Variants in PGM1 observed in about 807,000 individuals in gnomAD.
The protein encoded by PGM1 is phosphoglucomutase 1, also known as phosphoglucomutase-1.
In PGM1, 52 loss-of-function variants were observed where a neutral mutation model predicts 55.6. The ratio of observed to expected loss-of-function variants is 0.94; its 90% confidence interval spans 0.75 to 1.18. The LOEUF (loss-of-function observed/expected upper bound fraction) is 1.18. Among genes scored for constraint, PGM1 ranks in the 50% most tolerant of loss-of-function variants. The pLI, the probability that PGM1 is intolerant of heterozygous loss-of-function variation, is 0.00. For missense variants in PGM1, 724 were observed against 729.3 expected, an observed-to-expected ratio of 0.99 and a Z score of 0.08; for synonymous variants, 287 against 271.7, an observed-to-expected ratio of 1.06 and a Z score of -0.55.
intron 1 of PGM1, chr1:63,623,346 C>T: frequency 6.6e-7 from 1 of 1,513,286 alleles, no homozygotes; most frequent in Non-Finnish European, 8.8e-7. Flanking sequence ...CATGCAAACC[C>T]TCTATTTTAG....
intron 1 of PGM1, among the ~76,000 whole-genome samples, chr1:63,626,702 T>G (rs529455221): frequency 1.3e-4 from 20 of 152,282 alleles, no homozygotes; most frequent in African/African-American, 4.3e-4. Flanking sequence ...CAGTGACAAA[T>G]TCTTTAAAAA....
rs1402426213 is a variant in PGM1 at position 63,634,870 on chromosome 1, G to A, written c.724G>A (p.Gly242Ser). ...YVKKILCEEL[G>S]APANSAVNCV... ...AAAGAAGATCCTCTGTGAAGAACTC[G>A]GTGCCCCTGCGAACTCGGCAGTTAA... is the stretch of plus-strand genomic sequence containing the variant. The change falls in exon 5 of 11, where the codon GGT becomes AGT. Residue 242 changes from glycine to serine, a missense_variant. This residue lies in a region of PGM1 where 379 missense variants were observed against 357.5 expected (regional missense o/e 1.06). Coordinates refer to ENST00000371084, the MANE Select transcript of PGM1 (RefSeq NM_002633.3). 2 of 1,613,610 alleles carry A rather than the reference G, an allele frequency of 1.2e-6. No individual in the cohort carries two copies. The highest frequency in any genetic ancestry group is 1.1e-5 in the South Asian group (1 of 91,040).
chr1:63,659,863 A>G lies in PGM1; in HGVS notation c.*188A>G. On this transcript the variant is annotated 3_prime_UTR_variant, in exon 11 of 11. Coordinates refer to ENST00000371084, the MANE Select transcript of PGM1 (RefSeq NM_002633.3). The stretch of plus-strand genomic sequence containing the variant: ...GATGCCCTTGGGAGCTGTGAGGGAA[A>G]GAGGACCTGCGGGCTTAGATCAATC... The G allele has an allele frequency of 1.5e-6, 1 of 657,402 alleles. No homozygotes were observed. The highest frequency in any genetic ancestry group is 1.7e-5 in the South Asian group (1 of 60,230). 40.7% of individuals were successfully genotyped at this position (657,402 alleles called of 1,614,324 possible). A position where few individuals can be genotyped will look rare whatever the true frequency, so the allele number is the denominator to read the frequency against.
At chr1:63,623,648 T>C (rs778972095) in intron 1 of PGM1, 6 of 1,612,700 alleles carry the variant, frequency 3.7e-6, no homozygotes. Flanking sequence ...AGTATATTCT[T>C]TTCCATAGAC....
chr1:63,629,866 A>T, intron 2 of PGM1, 76 bp from the exon 3 acceptor site: 1 of 1,516,644 alleles, frequency 6.6e-7, no homozygotes, highest in Non-Finnish European at 9.2e-7. Context: ...GTGAAGAGGA[A>T]CTGATGAGCT....
intron 9 of PGM1, 141 bp from the exon 10 acceptor site, chr1:63,654,191 C>T: frequency 2.4e-6 from 2 of 824,296 alleles, no homozygotes; most frequent in Non-Finnish European, 2.1e-6. Context: ...TCACAAGGTG[C>T]AGCTGCTGCC....
At chr1:63,658,559 C>T (rs1342558686) in intron 10 of PGM1, among the ~76,000 whole-genome samples, 1 of 151,908 alleles carries the variant, frequency 6.6e-6, no homozygotes, top group Non-Finnish European at 1.5e-5. Flanking sequence ...TCAAGACCAG[C>T]CTGACCAACA....
At chr1:63,631,550 C>G (rs901932597) in intron 3 of PGM1, 107 bp from the exon 4 acceptor site, 2 of 1,013,226 alleles carry the variant, frequency 2.0e-6, no homozygotes, top group Non-Finnish European at 3.1e-6. Context: ...CAATAATTGT[C>G]CTTTTAAAAT....
intron 8 of PGM1, among the ~76,000 whole-genome samples, chr1:63,649,433 A>G (rs2100999181): frequency 6.6e-6 from 1 of 152,356 alleles, no homozygotes; most frequent in South Asian, 2.1e-4. Context: ...AAAATCTAAC[A>G]AGAATTTTTC....
chr1:63,651,477 C>G, intron 8 of PGM1, 192 bp from the exon 9 acceptor site: 1 of 592,844 alleles, frequency 1.7e-6, no homozygotes, highest in Non-Finnish European at 3.0e-6. Context: ...CTGAAATCCT[C>G]CAAACCCTTC....
At chr1:63,642,009 C>T (rs747778837) in intron 7 of PGM1, among the ~76,000 whole-genome samples, 2 of 152,168 alleles carry the variant, frequency 1.3e-5, no homozygotes, top group Non-Finnish European at 2.9e-5. Context: ...GGCTGAACCA[C>T]CCACCTCAAT....
intron 1 of PGM1, among the ~76,000 whole-genome samples, chr1:63,628,848 G>A (rs1457704355): frequency 6.6e-6 from 1 of 152,160 alleles, no homozygotes; most frequent in Non-Finnish European, 1.5e-5. Context: ...CAGGTACACT[G>A]TAACAGAAGT....
chr1:63,646,577 G>A (rs1374138307), intron 7 of PGM1, among the ~76,000 whole-genome samples: 1 of 152,118 alleles, frequency 6.6e-6, no homozygotes, highest in Non-Finnish European at 1.5e-5. Context: ...CCAATTTGAA[G>A]GCTTTGATCC....
At chr1:63,630,397 C>G (rs1482868288) in intron 3 of PGM1, among the ~76,000 whole-genome samples, 1 of 152,186 alleles carries the variant, frequency 6.6e-6, no homozygotes, top group Non-Finnish European at 1.5e-5. Context: ...TTATTGACCT[C>G]TTGCTACATG....
At chr1:63,615,715 C>G (rs1031108559) in intron 1 of PGM1, among the ~76,000 whole-genome samples, 5 of 151,704 alleles carry the variant, frequency 3.3e-5, no homozygotes, top group Admixed American at 2.6e-4. Context: ...GGCCCTGCCA[C>G]CATGCCTGGC....
intron 1 of PGM1, among the ~76,000 whole-genome samples, chr1:63,598,707 G>A (rs865929): frequency 0.4 from 60,265 of 152,020 alleles, 12,357 homozygotes; most frequent in African/African-American, 0.48. Flanking sequence ...GGATCCCATT[G>A]AATTCTACCC....
chr1:63,659,886 A>C lies in PGM1; in HGVS notation c.*211A>C. 1 of 627,864 alleles carries C rather than the reference A, an allele frequency of 1.6e-6. No individual in the cohort carries two copies. Among genetic ancestry groups the C allele is most frequent in the Non-Finnish European group, 2.9e-6 (1 of 346,248 alleles). 38.9% of individuals were successfully genotyped at this position (627,864 alleles called of 1,614,324 possible). A position where few individuals can be genotyped will look rare whatever the true frequency, so the allele number is the denominator to read the frequency against. ...AAAGAGGACCTGCGGGCTTAGATCAATCTCAATTCCTTTTCATGCCCTCCT... is the reference window on the plus strand; with the variant it reads ...AAAGAGGACCTGCGGGCTTAGATCACTCTCAATTCCTTTTCATGCCCTCCT... On this transcript the variant is annotated 3_prime_UTR_variant, in exon 11 of 11. Transcript: ENST00000371084.
intron 1 of PGM1, among the ~76,000 whole-genome samples, chr1:63,608,724 A>G (rs1570475876): frequency 6.6e-6 from 1 of 152,204 alleles, no homozygotes; most frequent in Admixed American, 6.5e-5. Flanking sequence ...TAAGACTGGC[A>G]CCTGTCATGA....
intron 1 of PGM1, among the ~76,000 whole-genome samples, chr1:63,625,905 T>G (rs1649003055): frequency 6.6e-6 from 1 of 152,196 alleles, no homozygotes; most frequent in Non-Finnish European, 1.5e-5. Context: ...GAGGTAAGTT[T>G]AGAGGTAAGA....
Sources: gnomAD v4.1 joint callset for allele counts (sites outside exome capture counted in the v4.1 genomes callset) on GRCh38, gnomAD v4.1.1 for gene constraint, gnomAD v4.1.1 regional missense constraint, MANE v1.5 for transcripts, NCBI Gene and HGNC (gene_info 2026-07-23, HGNC 2026-07-21) for gene names.